HACD2: variants seen among roughly 807,000 people sequenced by gnomAD.
HACD2 encodes the protein 3-hydroxyacyl-CoA dehydratase 2, also known as very-long-chain (3R)-3-hydroxyacyl-CoA dehydratase 2.
A neutral mutation model predicts 31.0 loss-of-function variants in HACD2; 15 were observed. The observed-to-expected ratio is 0.48, with a 90% CI of 0.32 to 0.75. The LOEUF (loss-of-function observed/expected upper bound fraction) is 0.75, where lower values mean the gene tolerates loss of function less well. HACD2 is among the 30% of genes least tolerant of loss of function. The pLI, the probability that HACD2 is intolerant of heterozygous loss-of-function variation, is 0.03. For missense variants in HACD2, 283 were observed against 313.0 expected, an observed-to-expected ratio of 0.90 and a Z score of 0.72; for synonymous variants, 115 against 122.2, an observed-to-expected ratio of 0.94 and a Z score of 0.39.
At chr3:123,499,483 G>A (rs1235435430) in intron 6 of HACD2, 1 of 369,104 alleles carries the variant, frequency 2.7e-6, no homozygotes, top group Non-Finnish European at 5.4e-6. Context: ...AAGAATTTCT[G>A]CAAGATAAAC....
intron 4 of HACD2, among the ~76,000 whole-genome samples, chr3:123,526,634 G>A (rs1559911232): frequency 6.6e-6 from 1 of 151,934 alleles, no homozygotes; most frequent in Non-Finnish European, 1.5e-5. Flanking sequence ...AATGTAATGA[G>A]TATATAACAA....
Position 123,492,194 on chromosome 3 carries a change from G to T in HACD2, c.*2694C>A, listed in dbSNP as rs1169542728. 1 of 152,236 alleles carries T rather than the reference G, an allele frequency of 6.6e-6. No individual in the cohort carries two copies. The highest frequency in any genetic ancestry group is 1.9e-4 in the East Asian group (1 of 5,200). The allele number at this position is 152,236 out of a possible 1,614,324, so 9.4% of individuals were successfully genotyped here. On this transcript the variant is annotated 3_prime_UTR_variant, in exon 7 of 7. Coordinates refer to ENST00000383657, the MANE Select transcript of HACD2 (RefSeq NM_198402.5). ...GCAGCAAGATGTAGATTAGCAGTCT[G>T]TGCTGACAAAAGCACTACTGCGGAC...
intron 3 of HACD2, among the ~76,000 whole-genome samples, chr3:123,534,465 TA>T (rs2056401889): frequency 6.6e-6 from 1 of 151,992 alleles, no homozygotes; most frequent in South Asian, 2.1e-4. Context: ...AATAGTCATA[TA>T]AAAATATAGC....
At chr3:123,504,561 G>T (rs1467699511) in intron 4 of HACD2, among the ~76,000 whole-genome samples, 1 of 149,074 alleles carries the variant, frequency 6.7e-6, no homozygotes, top group African/African-American at 2.5e-5. Flanking sequence ...ACCCAAAACC[G>T]CCCAAAACCT....
At chr3:123,564,816 G>A (rs750995195) in intron 3 of HACD2, among the ~76,000 whole-genome samples, 2 of 152,202 alleles carry the variant, frequency 1.3e-5, no homozygotes, top group Non-Finnish European at 2.9e-5. Context: ...ACAGGGTGAT[G>A]AGGCAGGAGC....
At chr3:123,505,249 C>G (rs762886054) in intron 4 of HACD2, among the ~76,000 whole-genome samples, 27 of 152,074 alleles carry the variant, frequency 1.8e-4, no homozygotes, top group South Asian at 4.1e-4. Context: ...TTGCCAGCAG[C>G]TGGGAAGATG....
At chr3:123,537,355 C>T (rs2056438491) in intron 3 of HACD2, among the ~76,000 whole-genome samples, 1 of 152,072 alleles carries the variant, frequency 6.6e-6, no homozygotes, top group Admixed American at 6.5e-5. Flanking sequence ...TCACTTGAGT[C>T]CAGGTGTTTG....
intron 5 of HACD2, among the ~76,000 whole-genome samples, chr3:123,500,897 G>A (rs567548548): frequency 1.3e-5 from 2 of 152,218 alleles, no homozygotes; most frequent in Admixed American, 6.5e-5. Flanking sequence ...ATGTTCTAAC[G>A]ACAAAATAAA....
intron 3 of HACD2, among the ~76,000 whole-genome samples, chr3:123,531,087 C>T (rs535361438): frequency 2.0e-5 from 3 of 151,914 alleles, no homozygotes; most frequent in South Asian, 2.1e-4. Flanking sequence ...AGGATGGTCT[C>T]GATCTCTTAA....
At chr3:123,512,999 G>A (rs2056083500) in intron 4 of HACD2, among the ~76,000 whole-genome samples, 1 of 152,122 alleles carries the variant, frequency 6.6e-6, no homozygotes, top group South Asian at 2.1e-4. Flanking sequence ...TGGCAAAATG[G>A]CTGATTCCAG....
chr3:123,517,929 ACGCC>A lies in HACD2; in HGVS notation c.381+10453_381+10456del, dbSNP rs2056167016. Among the ~76,000 whole-genome samples the A allele has an allele frequency of 1.4e-4, 2 of 14,494 alleles. 1 individual carries two copies. The highest frequency in any genetic ancestry group is 0.015 in the Non-Finnish European group (2 of 130). 9.5% of individuals were successfully genotyped at this position (14,494 alleles called of 152,430 possible). Reference sequence around the variant, plus strand: ...ATATTTGGGCCGGGCGCGGTGGCTCACGCCTGTAATCCCAGCACTTTGGGAGGCC... The same window carrying A: ...ATATTTGGGCCGGGCGCGGTGGCTCATGTAATCCCAGCACTTTGGGAGGCC... On this transcript the variant is annotated intron_variant, in intron 4 of 6. Coordinates refer to ENST00000383657, the MANE Select transcript of HACD2 (RefSeq NM_198402.5).
chr3:123,526,860 T>C (rs2056291117), intron 4 of HACD2, among the ~76,000 whole-genome samples: 2 of 152,188 alleles, frequency 1.3e-5, no homozygotes, highest in Admixed American at 6.5e-5. Context: ...ACTAATAGAA[T>C]TGCCTGATTT....
At chr3:123,583,802 A>C (rs1360837949) in intron 1 of HACD2, among the ~76,000 whole-genome samples, 1 of 152,130 alleles carries the variant, frequency 6.6e-6, no homozygotes, top group African/African-American at 2.4e-5. Flanking sequence ...GCCTCGAGGG[A>C]GGGGAGCTGG....
chr3:123,528,333 G>A lies in HACD2; in HGVS notation c.381+53C>T, dbSNP rs1228967168. 3 of 1,070,076 alleles carry A rather than the reference G, an allele frequency of 2.8e-6. No homozygotes were observed. The African/African-American group carries it at 4.7e-5, about 17-fold the overall frequency. The allele number at this position is 1,070,076 out of a possible 1,614,324, so 66.3% of individuals were successfully genotyped here. ...CATAACAAACATGTGAATCAGAAAA[G>A]TTGACTAGTGTTTGTTAGTGTTGAC... On this transcript the variant is annotated intron_variant, in intron 4 of 6. Coordinates refer to ENST00000383657, the MANE Select transcript of HACD2 (RefSeq NM_198402.5).
chr3:123,553,188 T>A (rs2056638135), intron 3 of HACD2, among the ~76,000 whole-genome samples: 1 of 152,166 alleles, frequency 6.6e-6, no homozygotes, highest in Non-Finnish European at 1.5e-5. Context: ...CTTTAAAAAG[T>A]ATGTATATTT....
At chr3:123,501,956 A>C (rs1018398703) in intron 5 of HACD2, among the ~76,000 whole-genome samples, 1 of 152,180 alleles carries the variant, frequency 6.6e-6, no homozygotes, top group Non-Finnish European at 1.5e-5. Flanking sequence ...ACTCTCCCTC[A>C]AAGTCCTTCC....
chr3:123,543,786 C>A, intron 3 of HACD2: 1 of 245,606 alleles, frequency 4.1e-6, no homozygotes. Context: ...ACCAGCATTG[C>A]AGAATATGGG....
At chr3:123,569,204 A>C (rs901831785) in intron 2 of HACD2, among the ~76,000 whole-genome samples, 5 of 152,220 alleles carry the variant, frequency 3.3e-5, no homozygotes, top group African/African-American at 1.2e-4. Flanking sequence ...AGTCTTTTTC[A>C]ATAGAAAACA....
intron 4 of HACD2, among the ~76,000 whole-genome samples, chr3:123,519,835 T>C (rs2056190370): frequency 1.3e-5 from 2 of 152,220 alleles, no homozygotes; most frequent in Non-Finnish European, 2.9e-5. Flanking sequence ...TGCTTAAAAG[T>C]AGTTTACAGG....
Sources: allele counts gnomAD v4.1 joint callset (sites outside exome capture counted in the v4.1 genomes callset), GRCh38; gene constraint gnomAD v4.1.1; transcripts MANE v1.5; gene names NCBI Gene and HGNC (gene_info 2026-07-23, HGNC 2026-07-21).